Variants in CC2D2A observed in about 807,000 individuals in gnomAD.
The protein encoded by CC2D2A is coiled-coil and C2 domain containing 2A, also known as coiled-coil and C2 domain-containing protein 2A.
Under a neutral mutation model 212.9 loss-of-function variants are expected in CC2D2A, and 155 were observed. The observed-to-expected ratio is 0.73, with a 90% CI of 0.64 to 0.83. The LOEUF (loss-of-function observed/expected upper bound fraction) is 0.83. Among genes scored for constraint, CC2D2A ranks in the 40% least tolerant of loss-of-function variants. The probability of loss-of-function intolerance (pLI) is 0.00; values close to 1 mark genes in which losing one functional copy is unlikely to be tolerated. For missense variants in CC2D2A, 1,856 were observed against 1,956.2 expected (o/e 0.95, Z 0.97); for synonymous variants, 667 against 686.5 (o/e 0.97, Z 0.44).
chr4:15,475,237 G>A (rs561651301), intron 1 of CC2D2A, among the ~76,000 whole-genome samples: 1 of 152,228 alleles, frequency 6.6e-6, no homozygotes, highest in Non-Finnish European at 1.5e-5. Context: ...TCGTGCCACT[G>A]TACTCCAGCC....
rs979478861 is a variant in CC2D2A, at chr4:15,565,588, CA to C, written c.3183-1786del. Among the ~76,000 whole-genome samples the C allele has an allele frequency of 1.1e-4, 17 of 152,102 alleles. 1 individual carries two copies. Among genetic ancestry groups the C allele is most frequent in the Admixed American group, 9.8e-4 (15 of 15,266 alleles). On this transcript the variant is annotated intron_variant, in intron 24 of 36. Coordinates refer to ENST00000424120, the MANE Select transcript of CC2D2A (RefSeq NM_001378615.1). ...TGGGGCCTAAAATATAGGTACTAAA[CA>C]AATGGGTTTTTGGGGGTTTTTAAAT...
chr4:15,516,718 C>G lies in CC2D2A; in HGVS notation c.1111C>G (p.Gln371Glu). 6.2e-7 allele frequency: 1 copy of G among 1,613,136 alleles called. No individual in the cohort carries two copies. The highest frequency in any genetic ancestry group is 1.7e-5 in the Admixed American group (1 of 59,924). The change falls in exon 11 of 37, where the codon CAG becomes GAG. Residue 371 changes from glutamine to glutamate, a missense_variant. This residue lies in a region of CC2D2A where 1,512 missense variants were observed against 1,579.3 expected (regional missense o/e 0.96). Coordinates refer to ENST00000424120, the MANE Select transcript of CC2D2A (RefSeq NM_001378615.1). The part of the protein sequence containing the change: ...PSRPPVLTQE[Q>E]SIKAELETLY... ...AAGGCCGCCAGTACTAACACAGGAG[C>G]AGAGCATTAAGGCAGAGCTTGAAAC...
intron 15 of CC2D2A, 27 bp from the exon 16 acceptor site, chr4:15,537,872 G>A (rs376811721): frequency 6.4e-7 from 1 of 1,563,304 alleles, no homozygotes; most frequent in African/African-American, 1.4e-5. Context: ...ATTCCTGTTT[G>A]ATATCATGTT....
intron 20 of CC2D2A, 60 bp downstream of exon 20, chr4:15,555,270 T>C (rs1719219969): frequency 6.3e-6 from 10 of 1,578,762 alleles, no homozygotes; most frequent in Non-Finnish European, 8.6e-6. Context: ...AATTTTCCTT[T>C]ACACTATCTT....
rs1307825042 is a variant in CC2D2A, at chr4:15,560,632, A to C, written c.3014+10A>C. The C allele has an allele frequency of 1.1e-5, 12 of 1,121,354 alleles. No individual in the cohort carries two copies. The highest frequency in any genetic ancestry group is 1.4e-5 in the Non-Finnish European group (11 of 764,720). The allele number at this position is 1,121,354 out of a possible 1,614,324, so 69.5% of individuals were successfully genotyped here. A position where few individuals can be genotyped will look rare whatever the true frequency, so the allele number is the denominator to read the frequency against. ...AAGTTCCCAATATCAGGTAAAAATA[A>C]TCAAAGCCATTATTATCAATTCTTA... On this transcript the variant is annotated intron_variant, in intron 23 of 36. Coordinates refer to ENST00000424120, the MANE Select transcript of CC2D2A (RefSeq NM_001378615.1).
intron 17 of CC2D2A, among the ~76,000 whole-genome samples, chr4:15,542,010 TG>T (rs763196132): frequency 3.0e-4 from 46 of 152,212 alleles, no homozygotes; most frequent in Non-Finnish European, 2.5e-4. Flanking sequence ...TTCCTTGGTT[TG>T]TGTTAGCGTA....
chr4:15,543,316 G>A lies in CC2D2A; in HGVS notation c.2181+2302G>A, dbSNP rs114989302. Among the ~76,000 whole-genome samples the A allele has an allele frequency of 7.8e-3, 1,184 of 152,142 alleles. 16 individuals carry two copies. Among genetic ancestry groups the A allele is most frequent in the African/African-American group, 0.027 (1,133 of 41,498 alleles). The stretch of plus-strand genomic sequence containing the variant: ...CCACGTAATTTTTTTAAATGTCTGT[G>A]TATTCTGAAACTTGAAAAAAAACAA... On this transcript the variant is annotated intron_variant, in intron 17 of 36. Coordinates refer to ENST00000424120, the MANE Select transcript of CC2D2A (RefSeq NM_001378615.1).
At chr4:15,543,114 G>A (rs1385669573) in intron 17 of CC2D2A, among the ~76,000 whole-genome samples, 4 of 152,140 alleles carry the variant, frequency 2.6e-5, no homozygotes, top group African/African-American at 9.7e-5. Context: ...TGATCTGGGG[G>A]GTGGGTGAGG....
intron 13 of CC2D2A, among the ~76,000 whole-genome samples, chr4:15,531,453 TTTC>T (rs1436647146): frequency 6.6e-6 from 1 of 152,206 alleles, no homozygotes. Context: ...TTACTGTTGT[TTTC>T]TTTTTACCCC....
chr4:15,599,389 T>A, intron 35 of CC2D2A, 140 bp from the exon 36 acceptor site: 1 of 573,008 alleles, frequency 1.7e-6, no homozygotes, highest in Non-Finnish European at 3.1e-6. Context: ...TTATTAGACA[T>A]TAACTATGCC....
At chr4:15,500,093 G>GTA (rs1715838621) in intron 4 of CC2D2A, among the ~76,000 whole-genome samples, 1 of 50,856 alleles carries the variant, frequency 2.0e-5, no homozygotes, top group Non-Finnish European at 5.0e-5. Flanking sequence ...GTGTGTGTGT[G>GTA]TGTGTGTGTG....
intron 30 of CC2D2A, among the ~76,000 whole-genome samples, chr4:15,585,662 T>C (rs1362178137): frequency 2.6e-5 from 4 of 152,192 alleles, no homozygotes; most frequent in African/African-American, 9.6e-5. Flanking sequence ...AAAGAAATGA[T>C]AAATGTTTAA....
At chr4:15,529,322 C>T (rs1717689438) in intron 13 of CC2D2A, among the ~76,000 whole-genome samples, 1 of 151,360 alleles carries the variant, frequency 6.6e-6, no homozygotes, top group Non-Finnish European at 1.5e-5. Context: ...TTTGAGGCTG[C>T]AGTGAGCTAG....
chr4:15,541,877 T>C (rs1429629943), intron 17 of CC2D2A, among the ~76,000 whole-genome samples: 7 of 152,096 alleles, frequency 4.6e-5, no homozygotes, highest in Non-Finnish European at 1.0e-4. Flanking sequence ...AACAGAAATG[T>C]GTTTACTCAC....
chr4:15,545,255 A>C (rs1718651523), intron 17 of CC2D2A, among the ~76,000 whole-genome samples: 2 of 152,232 alleles, frequency 1.3e-5, no homozygotes, highest in African/African-American at 4.8e-5. Context: ...AATGCTATCA[A>C]ATTCTTAACT....
chr4:15,571,050 A>C (rs1720141944), intron 28 of CC2D2A, among the ~76,000 whole-genome samples: 1 of 152,228 alleles, frequency 6.6e-6, no homozygotes, highest in East Asian at 1.9e-4. Flanking sequence ...TGTTCCTTAC[A>C]ATTAGTAGTT....
chr4:15,557,066 G>A (rs1719317954), intron 20 of CC2D2A, among the ~76,000 whole-genome samples: 1 of 152,178 alleles, frequency 6.6e-6, no homozygotes, highest in African/African-American at 2.4e-5. Context: ...TACTAGGGAA[G>A]CATGAACACC....
chr4:15,540,736 C>A (rs1410952413), intron 16 of CC2D2A, 101 bp from the exon 17 acceptor site: 11 of 1,068,760 alleles, frequency 1.0e-5, no homozygotes, highest in African/African-American at 1.6e-5. Flanking sequence ...GGGAGAGTTG[C>A]CTGCAGTGTG....
intron 4 of CC2D2A, chr4:15,492,823 AG>A: frequency 1.6e-6 from 1 of 640,852 alleles, no homozygotes; most frequent in Non-Finnish European, 2.9e-6. Context: ...GTGGTCACTG[AG>A]GGCAATGCCA....
Sources: allele counts gnomAD v4.1 joint callset (sites outside exome capture counted in the v4.1 genomes callset), GRCh38; gene constraint gnomAD v4.1.1; regional missense constraint gnomAD v4.1.1; transcripts MANE v1.5; gene names NCBI Gene and HGNC (gene_info 2026-07-23, HGNC 2026-07-21).